The following RCOR1 variants were observed in gnomAD, a reference collection of about 807,000 sequenced individuals.
The protein encoded by RCOR1 is REST corepressor 1, also known as REST corepressor.
A neutral mutation model predicts 64.0 loss-of-function variants in RCOR1; 12 were observed. The ratio of observed to expected loss-of-function variants is 0.19; its 90% confidence interval spans 0.12 to 0.30. The LOEUF (loss-of-function observed/expected upper bound fraction) is 0.30. Among genes scored for constraint, RCOR1 ranks in the 10% least tolerant of loss-of-function variants. The pLI is 1.00. For missense variants in RCOR1, 502 were observed against 621.2 expected (o/e 0.81, Z 2.04); for synonymous variants, 279 against 227.2 (o/e 1.23, Z -2.05).
At chr14:102,601,723 G>C (rs984298063) in intron 2 of RCOR1, among the ~76,000 whole-genome samples, 12 of 152,174 alleles carry the variant, frequency 7.9e-5, no homozygotes, top group African/African-American at 2.9e-4. Context: ...TCAGTCATTG[G>C]CTGGGAGCAG....
chr14:102,714,189 G>A (rs1366920716), intron 7 of RCOR1, among the ~76,000 whole-genome samples: 3 of 152,134 alleles, frequency 2.0e-5, no homozygotes, highest in Non-Finnish European at 4.4e-5. Context: ...GATAGAGTAA[G>A]GAAGTATTTG....
At chr14:102,613,874 A>G (rs1409636934) in intron 2 of RCOR1, among the ~76,000 whole-genome samples, 1 of 140,576 alleles carries the variant, frequency 7.1e-6, no homozygotes, top group Non-Finnish European at 1.5e-5. Context: ...TTGTTTTTTG[A>G]ATTAACTATT....
chr14:102,595,961 C>T (rs2139873815), intron 2 of RCOR1, among the ~76,000 whole-genome samples: 1 of 152,150 alleles, frequency 6.6e-6, no homozygotes, highest in East Asian at 1.9e-4. Context: ...GTTTTGCCAA[C>T]CTAAGCAGGG....
chr14:102,637,267 C>T (rs1894262620), intron 2 of RCOR1, among the ~76,000 whole-genome samples: 1 of 151,460 alleles, frequency 6.6e-6, no homozygotes, highest in Non-Finnish European at 1.5e-5. Flanking sequence ...GTTGGGATTA[C>T]AGGCGCCCGC....
intron 2 of RCOR1, among the ~76,000 whole-genome samples, chr14:102,666,706 G>T (rs1036765533): frequency 6.6e-6 from 1 of 152,088 alleles, no homozygotes; most frequent in Admixed American, 6.6e-5. Flanking sequence ...GATTTGTCTG[G>T]CATTTTTCTC....
In RCOR1 at chr14:102,632,665, TTTCC is replaced by T. The variant is rs1567415174; in HGVS notation, c.361+39343_361+39346del. Among the ~76,000 whole-genome samples the T allele has an allele frequency of 1.1e-3, 71 of 61,894 alleles. 1 individual carries two copies. The highest frequency in any genetic ancestry group is 1.5e-3 in the Non-Finnish European group (39 of 26,446). The allele number at this position is 61,894 out of a possible 152,430, so 40.6% of individuals were successfully genotyped here. A position where few individuals can be genotyped will look rare whatever the true frequency, so the allele number is the denominator to read the frequency against. On this transcript the variant is annotated intron_variant, in intron 2 of 11. Transcript: ENST00000262241. ...TTTCCTTTCCTTTCCTTTCCTTTCCTTTCCTTTCCTTTCCTTTTCCTTTTCCTTT... is the reference window on the plus strand; with the variant it reads ...TTTCCTTTCCTTTCCTTTCCTTTCCTTTTCCTTTCCTTTTCCTTTTCCTTT...
rs551657301 is a variant in RCOR1 at position 102,608,063 on chromosome 14, A to G, written c.361+14738A>G. 3.9e-5 allele frequency among the ~76,000 whole-genome samples: 6 copies of G among 152,288 alleles called. No individual in the cohort carries two copies. In the South Asian group the frequency reaches 1.2e-3, roughly 32 times the overall value. On this transcript the variant is annotated intron_variant, in intron 2 of 11. Coordinates refer to ENST00000262241, the MANE Select transcript of RCOR1 (RefSeq NM_015156.4). ...ACAGAGAGACTCCATCTCAAAAAAA[A>G]AAACAACAAAATTAACCGTTTTACA...
At chr14:102,624,282 T>C (rs1893936137) in intron 2 of RCOR1, among the ~76,000 whole-genome samples, 2 of 151,682 alleles carry the variant, frequency 1.3e-5, no homozygotes, top group African/African-American at 4.8e-5. Context: ...AGTGGGCGGA[T>C]CACCTGACGT....
chr14:102,668,341 C>G (rs967816775), intron 2 of RCOR1, among the ~76,000 whole-genome samples: 7 of 152,196 alleles, frequency 4.6e-5, no homozygotes, highest in African/African-American at 1.7e-4. Flanking sequence ...ATCAAGACAG[C>G]TGAAGACCTA....
At chr14:102,598,349 T>C (rs886070035) in intron 2 of RCOR1, among the ~76,000 whole-genome samples, 5 of 152,234 alleles carry the variant, frequency 3.3e-5, no homozygotes, top group African/African-American at 1.2e-4. Flanking sequence ...CTATCTGATA[T>C]TTCCTATGCA....
At chr14:102,721,796 C>T (rs534580635) in intron 10 of RCOR1, among the ~76,000 whole-genome samples, 2 of 152,062 alleles carry the variant, frequency 1.3e-5, no homozygotes, top group Admixed American at 6.6e-5. Context: ...TTTCATTTTA[C>T]TAGTTACTCA....
At chr14:102,615,323 G>A (rs1321220894) in intron 2 of RCOR1, among the ~76,000 whole-genome samples, 1 of 150,734 alleles carries the variant, frequency 6.6e-6, no homozygotes, top group Non-Finnish European at 1.5e-5. Context: ...ATATTTTTTA[G>A]TAGAGACGGG....
At chr14:102,635,952 CTCCCTTCT>C (rs1894226604) in intron 2 of RCOR1, among the ~76,000 whole-genome samples, 1 of 152,082 alleles carries the variant, frequency 6.6e-6, no homozygotes, top group Non-Finnish European at 1.5e-5. Flanking sequence ...CCCTCCCTCC[CTCCCTTCT>C]GACAGAGAGT....
chr14:102,647,954 C>T (rs1894509820), intron 2 of RCOR1, among the ~76,000 whole-genome samples: 1 of 152,220 alleles, frequency 6.6e-6, no homozygotes, highest in Non-Finnish European at 1.5e-5. Context: ...GCTGAGATCA[C>T]AGGCATATAC....
At chr14:102,671,028 C>T (rs1455611194) in intron 2 of RCOR1, among the ~76,000 whole-genome samples, 1 of 152,054 alleles carries the variant, frequency 6.6e-6, no homozygotes, top group Non-Finnish European at 1.5e-5. Flanking sequence ...CCCATCTTGG[C>T]CTCCCAAAGT....
At chr14:102,627,683 A>T (rs1267596731) in intron 2 of RCOR1, among the ~76,000 whole-genome samples, 1 of 151,016 alleles carries the variant, frequency 6.6e-6, no homozygotes, top group East Asian at 1.9e-4. Flanking sequence ...ACACACACAC[A>T]CCAAAAAAAC....
At chr14:102,610,738 T>C (rs1893614037) in intron 2 of RCOR1, among the ~76,000 whole-genome samples, 1 of 151,622 alleles carries the variant, frequency 6.6e-6, no homozygotes, top group African/African-American at 2.4e-5. Flanking sequence ...AATTTTTTAG[T>C]AGAGACGAGG....
At chr14:102,634,004 A>G (rs1242890186) in intron 2 of RCOR1, among the ~76,000 whole-genome samples, 1 of 152,050 alleles carries the variant, frequency 6.6e-6, no homozygotes, top group Non-Finnish European at 1.5e-5. Flanking sequence ...ATGCTTGTGT[A>G]CTCCACGTAA....
intron 8 of RCOR1, among the ~76,000 whole-genome samples, chr14:102,720,356 C>T (rs180793699): frequency 0.01 from 1,543 of 152,208 alleles, 16 homozygotes; most frequent in Admixed American, 0.015. Flanking sequence ...GTCTTTCTTT[C>T]GACTGGGTAA....
Sources: gnomAD v4.1 joint callset for allele counts (sites outside exome capture counted in the v4.1 genomes callset) on GRCh38, gnomAD v4.1.1 for gene constraint, MANE v1.5 for transcripts, NCBI Gene and HGNC (gene_info 2026-07-23, HGNC 2026-07-21) for gene names.